TMEM132D: variants seen among roughly 807,000 people sequenced by gnomAD.
TMEM132D encodes transmembrane protein 132D.
TMEM132D carries 21 observed loss-of-function variants against 62.3 expected under a neutral mutation model. The observed-to-expected ratio is 0.34, with a 90% CI of 0.24 to 0.49. The LOEUF is 0.49. Ranked by LOEUF, TMEM132D falls within the 20% of genes least tolerant of loss-of-function variation. The pLI is 0.99. For synonymous variants in TMEM132D, 621 were observed against 575.6 expected (o/e 1.08, Z -1.13); for missense variants, 1,346 against 1,402.8 (o/e 0.96, Z 0.65).
chr12:129,509,559 T>G (rs1250750653), intron 3 of TMEM132D, among the ~76,000 whole-genome samples: 2 of 152,122 alleles, frequency 1.3e-5, no homozygotes, highest in African/African-American at 4.8e-5. Context: ...CTATCAAATA[T>G]TAGGTCTTAT....
intron 5 of TMEM132D, among the ~76,000 whole-genome samples, chr12:129,151,271 C>A (rs144673444): frequency 7.2e-5 from 11 of 152,132 alleles, no homozygotes; most frequent in African/African-American, 2.4e-4. Context: ...ATGACTCAGG[C>A]GGGGTTATTC....
intron 1 of TMEM132D, among the ~76,000 whole-genome samples, chr12:129,894,837 T>A (rs539789084): frequency 6.6e-6 from 1 of 152,260 alleles, no homozygotes; most frequent in African/African-American, 2.4e-5. Flanking sequence ...CGTGTTCCTC[T>A]CAAACTCCTC....
intron 4 of TMEM132D, among the ~76,000 whole-genome samples, chr12:129,284,041 T>C (rs1394850774): frequency 6.6e-6 from 1 of 152,270 alleles, no homozygotes; most frequent in African/African-American, 2.4e-5. Flanking sequence ...AGGCACCTGA[T>C]GGAGGACAAG....
chr12:129,623,732 T>TAC (rs1306536813), intron 2 of TMEM132D, among the ~76,000 whole-genome samples: 1 of 139,456 alleles, frequency 7.2e-6, no homozygotes, highest in Non-Finnish European at 1.5e-5. Context: ...TACATACATA[T>TAC]ATACATATAT....
intron 4 of TMEM132D, among the ~76,000 whole-genome samples, chr12:129,305,132 C>T (rs546088749): frequency 2.6e-5 from 4 of 152,302 alleles, no homozygotes; most frequent in South Asian, 4.2e-4. Context: ...CTTTACCAGC[C>T]TGATTCATCA....
rs568584128 is a variant in TMEM132D, at chr12:129,457,551, C to T, written c.1115+73508G>A. Among the ~76,000 whole-genome samples, 376 of 151,604 alleles carry T rather than the reference C, an allele frequency of 2.5e-3. 2 individuals carry two copies. The highest frequency in any genetic ancestry group is 8.3e-3 in the African/African-American group (342 of 41,314). On this transcript the variant is annotated intron_variant, in intron 3 of 8. Transcript: ENST00000422113. ...GCACATGTATACATATGTAACAAAC[C>T]TGCATGTTGTGCACATGTACCCTAA...
chr12:129,554,100 CCT>C (rs1413146836), intron 2 of TMEM132D, among the ~76,000 whole-genome samples: 3 of 152,162 alleles, frequency 2.0e-5, no homozygotes, highest in South Asian at 2.1e-4. Context: ...CATACTCCCC[CCT>C]GTGTGATTAT....
intron 2 of TMEM132D, among the ~76,000 whole-genome samples, chr12:129,685,126 G>A (rs547409168): frequency 6.6e-6 from 1 of 152,330 alleles, no homozygotes; most frequent in South Asian, 2.1e-4. Context: ...CCCATTTTCT[G>A]AGGAGAAATT....
At chr12:129,790,946 T>C (rs916723501) in intron 1 of TMEM132D, among the ~76,000 whole-genome samples, 1 of 152,246 alleles carries the variant, frequency 6.6e-6, no homozygotes, top group African/African-American at 2.4e-5. Context: ...TATAAATTGC[T>C]GCATTTGTTT....
At chr12:129,247,932 G>A (rs1051524708) in intron 4 of TMEM132D, among the ~76,000 whole-genome samples, 25 of 151,768 alleles carry the variant, frequency 1.6e-4, no homozygotes, top group Admixed American at 7.2e-4. Flanking sequence ...GTACTTGGAA[G>A]GCAACAAAGC....
At chr12:129,524,500 G>A (rs1875952545) in intron 3 of TMEM132D, among the ~76,000 whole-genome samples, 1 of 152,112 alleles carries the variant, frequency 6.6e-6, no homozygotes, top group African/African-American at 2.4e-5. Context: ...TTTATTACAT[G>A]AACACAACTT....
At chr12:129,259,683 TCATA>T (rs1880502150) in intron 4 of TMEM132D, among the ~76,000 whole-genome samples, 2 of 151,738 alleles carry the variant, frequency 1.3e-5, no homozygotes, top group South Asian at 4.2e-4. Context: ...AAAATGGAGG[TCATA>T]CAGACTAAAT....
chr12:129,828,691 GGGAGGGAGGGAGGGAGAAGGA>G (rs1872728712), intron 1 of TMEM132D, among the ~76,000 whole-genome samples: 3 of 10,826 alleles, frequency 2.8e-4, no homozygotes, highest in Non-Finnish European at 5.4e-4. Context: ...GAGGAAGGAA[GGGAGGGAGGGAGGGAGAAGGA>G]AGGGAGGAAA....
rs570591389 is a variant in TMEM132D, at chr12:129,283,473, T to C, written c.1299+54161A>G. Among the ~76,000 whole-genome samples the C allele has an allele frequency of 5.3e-5, 8 of 152,338 alleles. No individual in the cohort carries two copies. In the East Asian group the frequency reaches 1.5e-3, roughly 29 times the overall value. ...TCCCAAAGTGCTGGAATTACAGGCA[T>C]GAGCCACCACACCCAGCCTTATATT... is the stretch of plus-strand genomic sequence containing the variant. On this transcript the variant is annotated intron_variant, in intron 4 of 8. Coordinates refer to ENST00000422113, the MANE Select transcript of TMEM132D (RefSeq NM_133448.3).
intron 5 of TMEM132D, among the ~76,000 whole-genome samples, chr12:129,135,654 G>GTTC (rs1876536040): frequency 6.6e-6 from 1 of 151,488 alleles, no homozygotes; most frequent in South Asian, 2.1e-4. Context: ...AGAACAAATA[G>GTTC]TTTTTTTTTG....
chr12:129,342,946 G>A (rs1384656696), intron 3 of TMEM132D, among the ~76,000 whole-genome samples: 1 of 152,174 alleles, frequency 6.6e-6, no homozygotes, highest in Non-Finnish European at 1.5e-5. Flanking sequence ...GAGAGGATGT[G>A]GAGAAATAGG....
At chr12:129,077,914 TAGAC>T (rs1565956014) in intron 8 of TMEM132D, among the ~76,000 whole-genome samples, 1 of 150,360 alleles carries the variant, frequency 6.7e-6, no homozygotes, top group Non-Finnish European at 1.5e-5. Context: ...ACACAACACA[TAGAC>T]ACACAACACA....
intron 2 of TMEM132D, among the ~76,000 whole-genome samples, chr12:129,667,528 T>A (rs1880405599): frequency 6.6e-6 from 1 of 152,156 alleles, no homozygotes. Context: ...TTTGGCCAAA[T>A]GAATGACTTA....
chr12:129,567,341 T>C (rs1466518843), intron 2 of TMEM132D, among the ~76,000 whole-genome samples: 1 of 152,100 alleles, frequency 6.6e-6, no homozygotes, highest in Non-Finnish European at 1.5e-5. Flanking sequence ...ACAAGAACCA[T>C]TCAAAATGCA....
Sources: allele counts gnomAD v4.1 joint callset (sites outside exome capture counted in the v4.1 genomes callset), GRCh38; gene constraint gnomAD v4.1.1; transcripts MANE v1.5; gene names NCBI Gene and HGNC (gene_info 2026-07-23, HGNC 2026-07-21).